DOK6: variants seen among roughly 807,000 people sequenced by gnomAD.
DOK6 encodes the protein downstream of tyrosine kinase 6.
A neutral mutation model predicts 44.0 loss-of-function variants in DOK6; 22 were observed. That is an observed-to-expected ratio of 0.50 (90% CI 0.36 to 0.71). DOK6 has a LOEUF of 0.71. Among genes scored for constraint, DOK6 ranks in the 30% least tolerant of loss-of-function variants. The probability of loss-of-function intolerance (pLI) is 0.00; values close to 1 mark genes in which losing one functional copy is unlikely to be tolerated. For synonymous variants in DOK6, 166 were observed against 145.5 expected (o/e 1.14, Z -1.01); for missense variants, 340 against 416.4 (o/e 0.82, Z 1.60).
At chr18:69,673,034 C>T (rs1387490440) in intron 3 of DOK6, among the ~76,000 whole-genome samples, 1 of 151,974 alleles carries the variant, frequency 6.6e-6, no homozygotes, top group African/African-American at 2.4e-5. Context: ...ATGCTGAAGA[C>T]AAAACAGGAT....
At chr18:69,780,465 G>A (rs1980229763) in intron 7 of DOK6, among the ~76,000 whole-genome samples, 1 of 152,148 alleles carries the variant, frequency 6.6e-6, no homozygotes, top group South Asian at 2.1e-4. Context: ...GGTGATGTGT[G>A]CCTGTAGTCC....
chr18:69,528,894 G>C (rs1033392358), intron 1 of DOK6, among the ~76,000 whole-genome samples: 1 of 152,174 alleles, frequency 6.6e-6, no homozygotes, highest in African/African-American at 2.4e-5. Flanking sequence ...TCCTTGCCCT[G>C]ACAGGTCCAC....
chr18:69,541,927 G>A (rs916505438), intron 1 of DOK6, among the ~76,000 whole-genome samples: 5 of 151,530 alleles, frequency 3.3e-5, no homozygotes, highest in African/African-American at 1.2e-4. Context: ...GACAGACTCT[G>A]TCTCATAAAT....
intron 2 of DOK6, among the ~76,000 whole-genome samples, chr18:69,581,987 T>C (rs773701667): frequency 3.9e-5 from 6 of 152,328 alleles, no homozygotes; most frequent in Non-Finnish European, 4.4e-5. Flanking sequence ...ATCAAACTGC[T>C]GAACCAACAC....
chr18:69,423,277 G>A (rs1978546067), intron 1 of DOK6, among the ~76,000 whole-genome samples: 1 of 148,706 alleles, frequency 6.7e-6, no homozygotes, highest in African/African-American at 2.5e-5. Flanking sequence ...ACTCCAGCAT[G>A]GACAACAGAG....
chr18:69,762,566 T>C (rs1443205558), intron 7 of DOK6, among the ~76,000 whole-genome samples: 2 of 152,244 alleles, frequency 1.3e-5, no homozygotes, highest in Non-Finnish European at 2.9e-5. Context: ...AATTTTCAAA[T>C]ATTTTTTAGG....
chr18:69,641,592 A>T (rs938748805), intron 3 of DOK6, among the ~76,000 whole-genome samples: 2 of 152,192 alleles, frequency 1.3e-5, no homozygotes, highest in Admixed American at 6.5e-5. Context: ...TGCACCTAAC[A>T]TAATCATTAT....
chr18:69,719,866 C>A (rs1046249298), intron 5 of DOK6, among the ~76,000 whole-genome samples: 1 of 152,206 alleles, frequency 6.6e-6, no homozygotes, highest in East Asian at 1.9e-4. Flanking sequence ...AGTCCCAGGC[C>A]CCATGTGGTT....
intron 6 of DOK6, among the ~76,000 whole-genome samples, chr18:69,741,063 T>G (rs1482194283): frequency 1.3e-5 from 2 of 152,184 alleles, no homozygotes; most frequent in African/African-American, 4.8e-5. Context: ...ATCCAGTCAA[T>G]GTAACCACAG....
chr18:69,717,197 T>G (rs963505721), intron 5 of DOK6, among the ~76,000 whole-genome samples: 3 of 152,222 alleles, frequency 2.0e-5, no homozygotes, highest in African/African-American at 7.2e-5. Flanking sequence ...CATAAACTCC[T>G]AAAACCCAAT....
chr18:69,614,695 G>A (rs187602474), intron 3 of DOK6, among the ~76,000 whole-genome samples: 1 of 151,988 alleles, frequency 6.6e-6, no homozygotes. Flanking sequence ...CCGTGTTACA[G>A]CTGTAGACAC....
At chr18:69,615,213 A>C (rs1984257836) in intron 3 of DOK6, among the ~76,000 whole-genome samples, 1 of 152,204 alleles carries the variant, frequency 6.6e-6, no homozygotes. Context: ...TAAGAAGCCA[A>C]CTTAGGGTAT....
At position 69,649,157 on chromosome 18, in the gene DOK6, C is replaced by T. The variant is rs191733164; in HGVS notation, c.290-28577C>T. Among the ~76,000 whole-genome samples the T allele has an allele frequency of 6.6e-5, 10 of 152,282 alleles. No homozygotes were observed. The East Asian group carries it at 1.4e-3, about 21-fold the overall frequency. Reference sequence around the variant, plus strand: ...GCAAACCTGAGGCAGGAAAGGGACACTAGTATTTTTTCCAATACCTATCAC... The same window carrying T: ...GCAAACCTGAGGCAGGAAAGGGACATTAGTATTTTTTCCAATACCTATCAC... On this transcript the variant is annotated intron_variant, in intron 3 of 7. Coordinates refer to ENST00000382713, the MANE Select transcript of DOK6 (RefSeq NM_152721.6).
At position 69,841,927 on chromosome 18, in the gene DOK6, AG is replaced by A. The variant is rs1355607871; in HGVS notation, c.*545del. ...ACATGAAATTCAGAACACACTATTA[AG>A]CAGGGCCCTGTAGCTCTACTCGTGT... On this transcript the variant is annotated 3_prime_UTR_variant, in exon 8 of 8. Transcript: ENST00000382713. The A allele has an allele frequency of 6.4e-6, 1 of 155,656 alleles. No homozygotes were observed. Among genetic ancestry groups the A allele is most frequent in the African/African-American group, 2.4e-5 (1 of 41,162 alleles). 9.6% of individuals were successfully genotyped at this position (155,656 alleles called of 1,614,324 possible).
chr18:69,834,848 T>C (rs1981997987), intron 7 of DOK6, among the ~76,000 whole-genome samples: 1 of 152,094 alleles, frequency 6.6e-6, no homozygotes, highest in Admixed American at 6.5e-5. Context: ...CAAGACTGGG[T>C]AAGTTATAGA....
chr18:69,715,643 A>G (rs546617104), intron 5 of DOK6, among the ~76,000 whole-genome samples: 3 of 152,196 alleles, frequency 2.0e-5, no homozygotes, highest in East Asian at 1.9e-4. Flanking sequence ...AATTCTTCCA[A>G]CTTTACAGTC....
At chr18:69,402,752 G>T (rs767229899) in intron 1 of DOK6, among the ~76,000 whole-genome samples, 1 of 152,176 alleles carries the variant, frequency 6.6e-6, no homozygotes, top group African/African-American at 2.4e-5. Flanking sequence ...TGGAGCCAAC[G>T]TGCGCTGCCG....
intron 1 of DOK6, among the ~76,000 whole-genome samples, chr18:69,561,835 C>A (rs375109057): frequency 1.3e-5 from 2 of 152,154 alleles, no homozygotes; most frequent in South Asian, 2.1e-4. Context: ...TGCAAGAATG[C>A]CTTTTAACAT....
chr18:69,669,346 A>G (rs1450665583), intron 3 of DOK6, among the ~76,000 whole-genome samples: 1 of 152,304 alleles, frequency 6.6e-6, no homozygotes, highest in Non-Finnish European at 1.5e-5. Context: ...AAGTGAGAAC[A>G]TGCAATATTT....
Sources: gnomAD v4.1 joint callset for allele counts (sites outside exome capture counted in the v4.1 genomes callset) on GRCh38, gnomAD v4.1.1 for gene constraint, MANE v1.5 for transcripts, NCBI Gene and HGNC (gene_info 2026-07-23, HGNC 2026-07-21) for gene names.